Variants in LONRF2 observed in about 807,000 individuals in gnomAD.
LONRF2 encodes the protein LON peptidase N-terminal domain and ring finger 2, also known as LON peptidase N-terminal domain and RING finger protein 2.
A neutral mutation model predicts 66.6 loss-of-function variants in LONRF2; 35 were observed. The observed-to-expected ratio is 0.53, with a 90% CI of 0.40 to 0.70. The LOEUF (loss-of-function observed/expected upper bound fraction) is 0.70. LONRF2 is among the 30% of genes least tolerant of loss of function. The pLI is 0.00. For synonymous variants in LONRF2, 417 were observed against 418.1 expected (o/e 1.00, Z 0.03); for missense variants, 902 against 1,002.1 (o/e 0.90, Z 1.35).
At chr2:100,305,016 C>T (rs1337588562) in intron 2 of LONRF2, among the ~76,000 whole-genome samples, 2 of 152,066 alleles carry the variant, frequency 1.3e-5, no homozygotes, top group East Asian at 3.9e-4. Context: ...AGCTGGGAAT[C>T]ATCCACTCCG....
chr2:100,299,747 G>T lies in LONRF2; in HGVS notation c.1237C>A (p.Leu413Met). 4 of 1,614,068 alleles carry T rather than the reference G, an allele frequency of 2.5e-6. No individual in the cohort carries two copies. The highest frequency in any genetic ancestry group is 3.4e-6 in the Non-Finnish European group (4 of 1,180,010). The change falls in exon 5 of 12, where the codon CTG becomes ATG. Residue 413 changes from leucine to methionine, a missense_variant. By Grantham distance (15) the Leu-to-Met change is conservative. Around this residue, in one of 2 missense-constraint regions of LONRF2, gnomAD observed 585 missense variants for 569.9 expected, o/e 1.03. Coordinates refer to ENST00000393437, the MANE Select transcript of LONRF2 (RefSeq NM_198461.4). ...TTGGGAATTTTTCCAGGGGCGTTCAGGTCAGGTGCATCCTCCACGTCATCC... is the reference window on the plus strand; with the variant it reads ...TTGGGAATTTTTCCAGGGGCGTTCATGTCAGGTGCATCCTCCACGTCATCC... ...FPDDVEDAPD[L>M]NAPGKIPKKD...
chr2:100,284,087 C>T lies in LONRF2; in HGVS notation c.*211G>A. 1.0e-5 allele frequency: 5 copies of T among 478,068 alleles called. No individual in the cohort carries two copies. The highest frequency in any genetic ancestry group is 1.9e-5 in the Non-Finnish European group (5 of 270,100). 29.6% of individuals were successfully genotyped at this position (478,068 alleles called of 1,614,324 possible). ...TTAGGTTGTTTTCCAACTATGGGCT[C>T]CATTCAGACTTCAGGCTAACCTCAC... On this transcript the variant is annotated 3_prime_UTR_variant, in exon 12 of 12. Transcript: ENST00000393437.
At chr2:100,291,320 G>A (rs1573112330) in intron 9 of LONRF2, among the ~76,000 whole-genome samples, 1 of 152,164 alleles carries the variant, frequency 6.6e-6, no homozygotes, top group Non-Finnish European at 1.5e-5. Context: ...GTCATGCCCT[G>A]CAGTGAGGCA....
At chr2:100,292,551 C>T (rs1465703665) in intron 9 of LONRF2, among the ~76,000 whole-genome samples, 1 of 152,156 alleles carries the variant, frequency 6.6e-6, no homozygotes, top group Non-Finnish European at 1.5e-5. Context: ...TGTGGTTTAT[C>T]TGTTTTTTCT....
At chr2:100,299,012 G>T (rs1275020999) in intron 6 of LONRF2, 62 bp from the exon 7 acceptor site, 1 of 1,279,068 alleles carries the variant, frequency 7.8e-7, no homozygotes, top group Non-Finnish European at 1.1e-6. Flanking sequence ...ATCATGGACT[G>T]GTTTTTGAAG....
intron 2 of LONRF2, among the ~76,000 whole-genome samples, chr2:100,306,830 C>T (rs1675301265): frequency 6.6e-6 from 1 of 152,018 alleles, no homozygotes; most frequent in Non-Finnish European, 1.5e-5. Context: ...TCCAATGGCA[C>T]TTCTTCCCCA....
In LONRF2 at chr2:100,272,865, G is replaced by C. The variant is rs1324475282; in HGVS notation, c.*11433C>G. 1.3e-5 allele frequency among the ~76,000 whole-genome samples: 2 copies of C among 152,176 alleles called. No homozygotes were observed. The highest frequency in any genetic ancestry group is 2.9e-5 in the Non-Finnish European group (2 of 68,046). On this transcript the variant is annotated 3_prime_UTR_variant, in exon 12 of 12. Transcript: ENST00000393437. ...TGGTTTTAAGCCAAAGCCATTGGCA[G>C]CCCTCTTTCCTTTTTTTTCCTACTA...
chr2:100,318,754 AC>A (rs765694476), intron 1 of LONRF2, among the ~76,000 whole-genome samples: 3 of 150,646 alleles, frequency 2.0e-5, no homozygotes, highest in Non-Finnish European at 3.0e-5. Context: ...TCACCCTTGA[AC>A]CCAGGAGGCA....
At chr2:100,315,469 G>T (rs1034475934) in intron 1 of LONRF2, among the ~76,000 whole-genome samples, 71 of 152,230 alleles carry the variant, frequency 4.7e-4, no homozygotes, top group African/African-American at 1.7e-3. Flanking sequence ...AATGCTGAGT[G>T]GCAGTGAGAA....
chr2:100,312,028 G>A (rs1335651595), intron 1 of LONRF2, among the ~76,000 whole-genome samples: 1 of 152,004 alleles, frequency 6.6e-6, no homozygotes, highest in Non-Finnish European at 1.5e-5. Context: ...CCTGATTGTG[G>A]TGTCAAGATT....
At chr2:100,299,986 A>G (rs1675147751) in intron 4 of LONRF2, 68 bp from the exon 5 acceptor site, 2 of 800,176 alleles carry the variant, frequency 2.5e-6, no homozygotes, top group Non-Finnish European at 3.7e-6. Context: ...AAAAGAATGC[A>G]GAAGCCTGTA....
At chr2:100,307,301 A>G (rs1675318544) in intron 2 of LONRF2, among the ~76,000 whole-genome samples, 1 of 152,236 alleles carries the variant, frequency 6.6e-6, no homozygotes, top group South Asian at 2.1e-4. Context: ...ACAGATTTGC[A>G]GTAAACCCTG....
In LONRF2 at chr2:100,279,901, G is replaced by C. The variant is rs1469447877; in HGVS notation, c.*4397C>G. 6.6e-6 allele frequency: 1 copy of C among 152,316 alleles called. No individual in the cohort carries two copies. The highest frequency in any genetic ancestry group is 1.5e-5 in the Non-Finnish European group (1 of 68,168). The allele number at this position is 152,316 out of a possible 1,614,324, so 9.4% of individuals were successfully genotyped here. ...CACGTTCCTCCTCACTCCTGCTTCT[G>C]CCTGTCTCCCATGCTTCCCCTCATG... On this transcript the variant is annotated 3_prime_UTR_variant, in exon 12 of 12. Transcript: ENST00000393437.
At chr2:100,305,102 T>G (rs1316013052) in intron 2 of LONRF2, among the ~76,000 whole-genome samples, 1 of 152,196 alleles carries the variant, frequency 6.6e-6, no homozygotes, top group Non-Finnish European at 1.5e-5. Flanking sequence ...CTCCTGGTAC[T>G]TTCACGTAGT....
intron 3 of LONRF2, among the ~76,000 whole-genome samples, chr2:100,302,296 C>A (rs1675200755): frequency 6.6e-6 from 1 of 152,156 alleles, no homozygotes; most frequent in Non-Finnish European, 1.5e-5. Flanking sequence ...AGAACTGATT[C>A]ATTTTCTGTT....
At chr2:100,297,885 T>C (rs930468554) in intron 7 of LONRF2, among the ~76,000 whole-genome samples, 3 of 152,260 alleles carry the variant, frequency 2.0e-5, no homozygotes, top group African/African-American at 7.2e-5. Flanking sequence ...GTTTTGGCAG[T>C]AAATTTTAAA....
intron 9 of LONRF2, among the ~76,000 whole-genome samples, chr2:100,291,473 G>A (rs1294346030): frequency 6.6e-6 from 1 of 151,934 alleles, no homozygotes; most frequent in Admixed American, 6.6e-5. Context: ...AATTCTGCCA[G>A]CTCTGCCCTC....
In LONRF2 at chr2:100,276,499, G is replaced by C. The variant is rs1427372750; in HGVS notation, c.*7799C>G. On this transcript the variant is annotated 3_prime_UTR_variant, in exon 12 of 12. Coordinates refer to ENST00000393437, the MANE Select transcript of LONRF2 (RefSeq NM_198461.4). ...GTCAGTCTTTGGCAGTTATAAACTAGCTTGATAAAATGATGCCCCATGGAC... is the reference window on the plus strand; with the variant it reads ...GTCAGTCTTTGGCAGTTATAAACTACCTTGATAAAATGATGCCCCATGGAC... 1 of 152,110 alleles carries C rather than the reference G, an allele frequency of 6.6e-6. No homozygotes were observed. Among genetic ancestry groups the C allele is most frequent in the Non-Finnish European group, 1.5e-5 (1 of 68,044 alleles). 9.4% of individuals were successfully genotyped at this position (152,110 alleles called of 1,614,324 possible).
intron 2 of LONRF2, among the ~76,000 whole-genome samples, chr2:100,308,743 C>T (rs554278621): frequency 6.6e-6 from 1 of 152,292 alleles, no homozygotes; most frequent in Admixed American, 6.5e-5. Flanking sequence ...GACCCAACAG[C>T]TAATCATGAT....
Sources: gnomAD v4.1 joint callset for allele counts (sites outside exome capture counted in the v4.1 genomes callset) on GRCh38, gnomAD v4.1.1 for gene constraint, gnomAD v4.1.1 regional missense constraint, MANE v1.5 for transcripts, NCBI Gene and HGNC (gene_info 2026-07-23, HGNC 2026-07-21) for gene names.